The following TSPEAR variants were observed in gnomAD, a reference collection of about 807,000 sequenced individuals.
The protein encoded by TSPEAR is thrombospondin type laminin G domain and EAR repeats.
A neutral mutation model predicts 71.6 loss-of-function variants in TSPEAR; 69 were observed. The observed-to-expected ratio is 0.96, with a 90% CI of 0.79 to 1.18. TSPEAR has a LOEUF of 1.18. Among genes scored for constraint, TSPEAR ranks in the 50% most tolerant of loss-of-function variants. The pLI, the probability that TSPEAR is intolerant of heterozygous loss-of-function variation, is 0.00. For missense variants in TSPEAR, 971 were observed against 894.9 expected, an observed-to-expected ratio of 1.09 and a Z score of -1.09; for synonymous variants, 402 against 387.2, an observed-to-expected ratio of 1.04 and a Z score of -0.45.
chr21:44,666,602 A>G, intron 1 of TSPEAR: 1 of 1,613,298 alleles, frequency 6.2e-7, no homozygotes, highest in Non-Finnish European at 8.5e-7. Context: ...AGGGGGCTGC[A>G]CACACAATGG....
At chr21:44,503,291 C>CG (rs1268956382) in intron 11 of TSPEAR, among the ~76,000 whole-genome samples, 93 of 128,838 alleles carry the variant, frequency 7.2e-4, no homozygotes, top group Non-Finnish European at 1.2e-3. Flanking sequence ...GGTGAGCCCT[C>CG]GGGGGGAAGC....
chr21:44,504,389 C>A (rs2052143335), intron 11 of TSPEAR, among the ~76,000 whole-genome samples: 1 of 139,992 alleles, frequency 7.1e-6, no homozygotes, highest in Non-Finnish European at 1.5e-5. Flanking sequence ...AGGAAGCTGG[C>A]CTCGGTGAGC....
At chr21:44,624,342 T>A (rs1173340322) in intron 1 of TSPEAR, among the ~76,000 whole-genome samples, 1 of 152,248 alleles carries the variant, frequency 6.6e-6, no homozygotes, top group Non-Finnish European at 1.5e-5. Flanking sequence ...AATTCCAGTT[T>A]GACAATTCTA....
intron 2 of TSPEAR, among the ~76,000 whole-genome samples, chr21:44,555,111 C>T (rs1015587845): frequency 2.0e-5 from 3 of 151,978 alleles, no homozygotes; most frequent in East Asian, 1.9e-4. Flanking sequence ...ATCCTAAAGA[C>T]GGAAAAGCAA....
At chr21:44,558,152 G>A (rs2053567672) in intron 2 of TSPEAR, 4 of 1,613,236 alleles carry the variant, frequency 2.5e-6, no homozygotes, top group Non-Finnish European at 3.4e-6. Flanking sequence ...CCGGGCGGCA[G>A]CAGCTGGGCT....
At chr21:44,563,438 A>G (rs1252797014) in intron 2 of TSPEAR, among the ~76,000 whole-genome samples, 2 of 152,178 alleles carry the variant, frequency 1.3e-5, no homozygotes, top group African/African-American at 2.4e-5. Context: ...TGATAAGTCA[A>G]AATAAGTATA....
At chr21:44,590,590 G>A (rs587678385) in intron 1 of TSPEAR, among the ~76,000 whole-genome samples, 7 of 152,314 alleles carry the variant, frequency 4.6e-5, no homozygotes, top group African/African-American at 1.4e-4. Context: ...GGAGGGCGTG[G>A]TCCCCATGTC....
intron 1 of TSPEAR, among the ~76,000 whole-genome samples, chr21:44,599,171 T>TCTCTCTCTCTCTCTCTCTCTCC (rs1569210763): frequency 4.0e-5 from 5 of 125,074 alleles, no homozygotes; most frequent in South Asian, 2.9e-4. Context: ...TCTCTCTCTC[T>TCTCTCTCTCTCTCTCTCTCTCC]CCTTCCATCC....
In TSPEAR at chr21:44,564,929, A is replaced by C. The variant is rs149571547; in HGVS notation, c.303+2856T>G. Among the ~76,000 whole-genome samples the C allele has an allele frequency of 2.6e-4, 40 of 152,250 alleles. No homozygotes were observed. In the East Asian group the frequency reaches 5.8e-3, roughly 22 times the overall value. On this transcript the variant is annotated intron_variant, in intron 2 of 11. Transcript: ENST00000323084. ...AATTTAAAAAGACAGAAATAATGCA[A>C]AGTATGTATTCTGGCCACAATAAAA...
chr21:44,540,169 T>A, intron 2 of TSPEAR: 1 of 1,607,224 alleles, frequency 6.2e-7, no homozygotes, highest in Non-Finnish European at 8.5e-7. Context: ...GGGGAGGAGG[T>A]GAGCTGCGGG....
chr21:44,633,489 T>C (rs1040193284), intron 1 of TSPEAR, among the ~76,000 whole-genome samples: 1 of 152,246 alleles, frequency 6.6e-6, no homozygotes, highest in African/African-American at 2.4e-5. Flanking sequence ...TTCAATCAAC[T>C]GGTTGTTATA....
chr21:44,558,245 G>A lies in TSPEAR; in HGVS notation c.303+9540C>T, dbSNP rs186210430. 3.0e-3 allele frequency: 4,770 copies of A among 1,613,996 alleles called. 121 individuals carry two copies. In the African/African-American group the frequency reaches 0.056, roughly 19 times the overall value. On this transcript the variant is annotated intron_variant, in intron 2 of 11. Coordinates refer to ENST00000323084, the MANE Select transcript of TSPEAR (RefSeq NM_144991.3). Reference sequence around the variant, plus strand: ...ACACGGGGCGGCAGAGGAGGGACACGGAGGAGGAGGGTCTGCAGCAGGAGG... The same window carrying A: ...ACACGGGGCGGCAGAGGAGGGACACAGAGGAGGAGGGTCTGCAGCAGGAGG...
At chr21:44,527,811 G>C (rs2052887796) in intron 6 of TSPEAR, among the ~76,000 whole-genome samples, 1 of 152,314 alleles carries the variant, frequency 6.6e-6, no homozygotes, top group South Asian at 2.1e-4. Context: ...TCTCGATAAT[G>C]TGAAAGAGAG....
At chr21:44,566,758 T>C (rs2053708535) in intron 2 of TSPEAR, among the ~76,000 whole-genome samples, 1 of 152,130 alleles carries the variant, frequency 6.6e-6, no homozygotes, top group African/African-American at 2.4e-5. Flanking sequence ...GACCATTCAA[T>C]GAGGAAAAAA....
rs587713619 is a variant in TSPEAR, at chr21:44,551,015, A to G, written c.303+16770T>C. 4.8e-5 allele frequency: 77 copies of G among 1,607,480 alleles called. No individual in the cohort carries two copies. In the South Asian group the frequency reaches 7.7e-4, roughly 16 times the overall value. ...CAGAGCAGGTGGGCACGCAGCACAC[A>G]GCTTTGCAGCAGACAGGCACACGGC... On this transcript the variant is annotated intron_variant, in intron 2 of 11. Coordinates refer to ENST00000323084, the MANE Select transcript of TSPEAR (RefSeq NM_144991.3).
intron 1 of TSPEAR, among the ~76,000 whole-genome samples, chr21:44,619,901 C>T (rs1555933220): frequency 6.6e-6 from 1 of 152,162 alleles, no homozygotes; most frequent in Admixed American, 6.5e-5. Flanking sequence ...TCAAGCATAC[C>T]AACACACTTA....
intron 1 of TSPEAR, among the ~76,000 whole-genome samples, chr21:44,600,432 C>T (rs1181046006): frequency 1.3e-5 from 2 of 152,128 alleles, no homozygotes; most frequent in South Asian, 2.1e-4. Flanking sequence ...ACATGAAACT[C>T]GCACTAATAA....
At chr21:44,558,008 G>A in intron 2 of TSPEAR, 1 of 1,570,282 alleles carries the variant, frequency 6.4e-7, no homozygotes, top group Non-Finnish European at 8.6e-7. Context: ...TCGGAAGTCA[G>A]AGATGGCCCT....
At chr21:44,666,026 C>A (rs1555944596) in intron 1 of TSPEAR, among the ~76,000 whole-genome samples, 1 of 152,176 alleles carries the variant, frequency 6.6e-6, no homozygotes, top group Admixed American at 6.5e-5. Context: ...CTGGGAGAGA[C>A]CACATGGGCA....
Sources: allele counts gnomAD v4.1 joint callset (sites outside exome capture counted in the v4.1 genomes callset), GRCh38; gene constraint gnomAD v4.1.1; transcripts MANE v1.5; gene names NCBI Gene and HGNC (gene_info 2026-07-23, HGNC 2026-07-21).